STAG3: variants seen among roughly 807,000 people sequenced by gnomAD.
The protein encoded by STAG3 is STAG3 cohesin complex component, also known as cohesin subunit SA-3.
A neutral mutation model predicts 160.7 loss-of-function variants in STAG3; 101 were observed. That is an observed-to-expected ratio of 0.63 (90% CI 0.54 to 0.74). STAG3 has a LOEUF of 0.74. STAG3 is among the 30% of genes least tolerant of loss of function. STAG3 has a pLI of 0.00. For synonymous variants in STAG3, 519 were observed against 585.0 expected (o/e 0.89, Z 1.63); for missense variants, 1,188 against 1,517.4 (o/e 0.78, Z 3.61).
At chr7:100,204,581 G>T in intron 26 of STAG3, 46 bp from the exon 27 acceptor site, 1 of 1,594,988 alleles carries the variant, frequency 6.3e-7, no homozygotes, top group Non-Finnish European at 8.6e-7. Flanking sequence ...CTCTGTTTCC[G>T]CCGTGTTCCT....
chr7:100,197,993 C>T lies in STAG3; in HGVS notation c.1165-94C>T, dbSNP rs1800799689. On this transcript the variant is annotated intron_variant, in intron 11 of 33. Coordinates refer to ENST00000615138, the MANE Select transcript of STAG3 (RefSeq NM_001282717.2). ...TTGGCTATCCCAGCATCTGCCTCTA[C>T]GTAGGCACTCTCTTTAGGAGTCTCT... is the stretch of plus-strand genomic sequence containing the variant. 20 of 1,490,982 alleles carry T rather than the reference C, an allele frequency of 1.3e-5. 1 individual carries two copies. In the Admixed American group the frequency reaches 1.7e-4, roughly 12 times the overall value. 92.4% of individuals were successfully genotyped at this position (1,490,982 alleles called of 1,614,324 possible).
At chr7:100,211,937 C>T in intron 32 of STAG3, 61 bp downstream of exon 32, 1 of 1,524,976 alleles carries the variant, frequency 6.6e-7, no homozygotes, top group Non-Finnish European at 9.0e-7. Flanking sequence ...CAAAGAGAAG[C>T]CAGGGTGTTT....
At chr7:100,187,923 A>AT (rs1475975332) in intron 5 of STAG3, among the ~76,000 whole-genome samples, 2 of 151,808 alleles carry the variant, frequency 1.3e-5, no homozygotes, top group African/African-American at 2.4e-5. Context: ...TGCCCAGCTC[A>AT]TTTTTTGCAT....
chr7:100,198,619 G>A (rs745350702), intron 13 of STAG3, 37 bp downstream of exon 13: 34 of 1,583,538 alleles, frequency 2.1e-5, no homozygotes, highest in East Asian at 6.7e-5. Context: ...TTAACACCAC[G>A]CTCTCGGTTT....
chr7:100,198,893 G>A lies in STAG3; in HGVS notation c.1403G>A (p.Arg468His). ...AGAATGATGGGTGGAAGAGAGCAACGCCAGAGCCCAGGCGCCCAGAGGACT... is the reference window on the plus strand; with the variant it reads ...AGAATGATGGGTGGAAGAGAGCAACACCAGAGCCCAGGCGCCCAGAGGACT... Reference protein sequence around the residue: ...EIRMMGGREQRQSPGAQRTFF... With the variant: ...EIRMMGGREQHQSPGAQRTFF... Residue 468 changes from arginine (R) to histidine (H), a missense_variant, in exon 14 of 34, where the codon CGC (arginine) becomes CAC (histidine). Physicochemically the swap from Arg to His is conservative, Grantham distance 29. This residue lies in a region of STAG3 where 240 missense variants were observed against 358.1 expected (regional missense o/e 0.67). Coordinates refer to ENST00000615138, the MANE Select transcript of STAG3 (RefSeq NM_001282717.2). 13 of 1,612,088 alleles carry A rather than the reference G, an allele frequency of 8.1e-6. No individual in the cohort carries two copies. Among genetic ancestry groups the A allele is most frequent in the South Asian group, 1.1e-5 (1 of 91,006 alleles).
intron 23 of STAG3, 54 bp downstream of exon 23, chr7:100,202,095 A>G: frequency 1.2e-6 from 2 of 1,610,834 alleles, no homozygotes; most frequent in Non-Finnish European, 1.7e-6. Context: ...CCCCCATTCC[A>G]AGGAGAAATT....
chr7:100,217,471 CT>C (rs1802859566), downstream of STAG3, among the ~76,000 whole-genome samples: 1 of 152,238 alleles, frequency 6.6e-6, no homozygotes, highest in Admixed American at 6.5e-5. Context: ...CCTACTAGGT[CT>C]GTGGGTTTTT....
intron 8 of STAG3, among the ~76,000 whole-genome samples, chr7:100,192,856 G>C (rs1364738055): frequency 4.6e-5 from 7 of 152,220 alleles, no homozygotes. Context: ...CTCCCAAAAA[G>C]TTGGGATAGT....
Position 100,207,191 on chromosome 7 carries a change from AT to A in STAG3, c.3238+1812del, listed in dbSNP as rs1801732106. Among the ~76,000 whole-genome samples, 1 of 152,120 alleles carries A rather than the reference AT, an allele frequency of 6.6e-6. No homozygotes were observed. The highest frequency in any genetic ancestry group is 1.5e-5 in the Non-Finnish European group (1 of 68,030). On this transcript the variant is annotated intron_variant, in intron 29 of 33. Coordinates refer to ENST00000615138, the MANE Select transcript of STAG3 (RefSeq NM_001282717.2). The surrounding 1 kb of genome is among the most constrained non-coding windows in gnomAD (Gnocchi z 4.0). ...AATGCTGCTAAACATGCATGTACAC[AT>A]TTTTGGGTGGATGCATCTTTTCAGT...
chr7:100,215,949 C>T (rs1193713224), downstream of STAG3, among the ~76,000 whole-genome samples: 2 of 152,188 alleles, frequency 1.3e-5, no homozygotes, highest in African/African-American at 4.8e-5. Flanking sequence ...GGTCACCATT[C>T]TGTGAGCAAG....
chr7:100,216,321 A>G (rs1802747579), downstream of STAG3, among the ~76,000 whole-genome samples: 1 of 151,090 alleles, frequency 6.6e-6, no homozygotes. Flanking sequence ...TAAGTTATAT[A>G]AACATATACT....
In STAG3 at chr7:100,182,603, A is replaced by G. The variant is rs573553508; in HGVS notation, c.220-120A>G. On this transcript the variant is annotated intron_variant, in intron 3 of 33. Coordinates refer to ENST00000615138, the MANE Select transcript of STAG3 (RefSeq NM_001282717.2). ...TATTTCAGGACTGAGTCTAACTCAG[A>G]CTCTGCTGTGGAATTGGCAGCTTAA... 6.2e-6 allele frequency: 6 copies of G among 961,610 alleles called. No individual in the cohort carries two copies. In the South Asian group the frequency reaches 8.9e-5, roughly 14 times the overall value. 59.6% of individuals were successfully genotyped at this position (961,610 alleles called of 1,614,324 possible).
chr7:100,195,430 G>C, intron 9 of STAG3, 48 bp downstream of exon 9: 1 of 1,557,928 alleles, frequency 6.4e-7, no homozygotes, highest in Non-Finnish European at 8.8e-7. Flanking sequence ...TTTGGTTATG[G>C]AATCTGAGGA....
rs1802157169 is a variant in STAG3 at position 100,211,131 on chromosome 7, G to A, written c.3359G>A (p.Trp1120Ter). 1 of 1,609,122 alleles carries A rather than the reference G, an allele frequency of 6.2e-7. No individual in the cohort carries two copies. The highest frequency in any genetic ancestry group is 8.5e-7 in the Non-Finnish European group (1 of 1,177,932). The part of the protein sequence containing the change: ...STAVKSRQPL[W>*]GLKEMEEEDG... ...GCTGTGAAGAGCAGGCAGCCCCTGT[G>A]GGGGTTGAAAGAGATGGAGGAAGAA... is the stretch of plus-strand genomic sequence containing the variant. The change falls in exon 30 of 34, where the codon TGG becomes TAG. Residue 1120 changes from tryptophan (W) to a stop codon, truncating the protein, a stop_gained. Transcript: ENST00000615138. LOFTEE classifies it high-confidence loss of function.
chr7:100,202,842 T>C (rs576236011), intron 25 of STAG3, among the ~76,000 whole-genome samples: 5 of 152,312 alleles, frequency 3.3e-5, no homozygotes, highest in African/African-American at 1.2e-4. Flanking sequence ...TCCAGAAATA[T>C]TTATTTTTCT....
At chr7:100,185,558 C>T (rs1392481544) in intron 4 of STAG3, among the ~76,000 whole-genome samples, 1 of 148,184 alleles carries the variant, frequency 6.7e-6, no homozygotes, top group Non-Finnish European at 1.5e-5. Flanking sequence ...GCCGAGATCA[C>T]ACCATTGCAC....
chr7:100,217,083 G>C (rs947285755), downstream of STAG3, among the ~76,000 whole-genome samples: 36 of 152,194 alleles, frequency 2.4e-4, no homozygotes, highest in African/African-American at 7.5e-4. Flanking sequence ...AATACTGATC[G>C]TATTCCAAGG....
In STAG3 at chr7:100,182,771, C is replaced by T. The variant is rs769762698; in HGVS notation, c.268C>T (p.Arg90Trp). The change falls in exon 4 of 34, where the codon CGG (arginine) becomes TGG (tryptophan). Residue 90 changes from arginine (R) to tryptophan (W), a missense_variant. Arg to Trp is a moderately radical substitution (Grantham distance 101, BLOSUM62 -3). Coordinates refer to ENST00000615138, the MANE Select transcript of STAG3 (RefSeq NM_001282717.2). ...GTCCCGAGTGGTACATCGTCATAGC[C>T]GGAAACAGTCAGAGCCACCAGCCAA... is the stretch of plus-strand genomic sequence containing the variant. ...KGSRVVHRHS[R>W]KQSEPPANDL... The T allele has an allele frequency of 3.7e-6, 6 of 1,613,804 alleles. No homozygotes were observed. Among genetic ancestry groups the T allele is most frequent in the East Asian group, 2.2e-5 (1 of 44,882 alleles).
chr7:100,193,100 G>A (rs1288192967), intron 8 of STAG3, among the ~76,000 whole-genome samples: 1 of 152,200 alleles, frequency 6.6e-6, no homozygotes, highest in Non-Finnish European at 1.5e-5. Context: ...GGGTGACCAG[G>A]TGCATTGTCA....
Sources: gnomAD v4.1 joint callset for allele counts (sites outside exome capture counted in the v4.1 genomes callset) on GRCh38, gnomAD v4.1.1 for gene constraint, gnomAD v4.1.1 regional missense constraint, Gnocchi (gnomAD v3.1) non-coding constraint, MANE v1.5 for transcripts, NCBI Gene and HGNC (gene_info 2026-07-23, HGNC 2026-07-21) for gene names.